Variants in SPECC1 observed in about 807,000 individuals in gnomAD.
SPECC1 encodes the protein cytospin-B.
SPECC1 carries 62 observed loss-of-function variants against 104.1 expected under a neutral mutation model. That is an observed-to-expected ratio of 0.60 (90% CI 0.49 to 0.74). SPECC1 has a LOEUF of 0.74. Ranked by LOEUF, SPECC1 falls within the 30% of genes least tolerant of loss-of-function variation. The pLI is 0.00. For missense variants in SPECC1, 1,306 were observed against 1,310.5 expected (o/e 1.00, Z 0.05); for synonymous variants, 513 against 501.6 (o/e 1.02, Z -0.30).
chr17:20,021,679 TAATAATATATATATA>T (rs1567797435), intron 1 of SPECC1, among the ~76,000 whole-genome samples: 85 of 141,936 alleles, frequency 6.0e-4, no homozygotes, highest in African/African-American at 2.1e-3. Flanking sequence ...ATATATAATA[TAATAATATATATATA>T]TATATATATT....
intron 9 of SPECC1, among the ~76,000 whole-genome samples, chr17:20,252,200 A>C (rs763955607): frequency 6.6e-6 from 1 of 152,182 alleles, no homozygotes; most frequent in Non-Finnish European, 1.5e-5. Flanking sequence ...CTACTCTATT[A>C]ACAAATTTTT....
At chr17:20,131,097 G>A (rs954607281) in intron 3 of SPECC1, among the ~76,000 whole-genome samples, 3 of 152,104 alleles carry the variant, frequency 2.0e-5, no homozygotes, top group African/African-American at 4.8e-5. Context: ...TGCTAAAGTC[G>A]CTTATTAGTT....
intron 12 of SPECC1, among the ~76,000 whole-genome samples, chr17:20,278,772 AGG>A (rs112770869): frequency 0.028 from 4,280 of 151,570 alleles, 190 homozygotes; most frequent in African/African-American, 0.097. Context: ...CTGACTTCCC[AGG>A]GTCATTTGAA....
Position 20,183,790 on chromosome 17 carries a change from G to A in SPECC1, c.284-20543G>A, listed in dbSNP as rs76743385. On this transcript the variant is annotated intron_variant, in intron 3 of 14. Transcript: ENST00000395527. ...ACCCATCCCTTTTTCCCCCAAATAT[G>A]TTCTATCTGTGGTTGGTAGAATTCT... 4.7e-3 allele frequency among the ~76,000 whole-genome samples: 708 copies of A among 152,082 alleles called. 7 individuals carry two copies. Among genetic ancestry groups the A allele is most frequent in the African/African-American group, 0.016 (663 of 41,484 alleles).
At chr17:20,273,973 A>G (rs1473043758) in intron 12 of SPECC1, among the ~76,000 whole-genome samples, 3 of 152,140 alleles carry the variant, frequency 2.0e-5, no homozygotes, top group Non-Finnish European at 4.4e-5. Flanking sequence ...TTTCATTGCC[A>G]TCAGCCTGGA....
intron 7 of SPECC1, among the ~76,000 whole-genome samples, chr17:20,241,760 C>T (rs1046593290): frequency 7.2e-5 from 11 of 152,084 alleles, no homozygotes; most frequent in African/African-American, 2.4e-4. Context: ...TTGTTTGACA[C>T]CTAAGAGACA....
chr17:20,012,936 T>C (rs1349592914), intron 1 of SPECC1, among the ~76,000 whole-genome samples: 2 of 152,234 alleles, frequency 1.3e-5, no homozygotes, highest in Admixed American at 1.3e-4. Flanking sequence ...GAGTATCTAA[T>C]ATAGTACCTC....
At chr17:20,051,139 TC>T in intron 1 of SPECC1, among the ~76,000 whole-genome samples, 9 of 130,718 alleles carry the variant, frequency 6.9e-5, no homozygotes, top group African/African-American at 3.0e-4. Flanking sequence ...TTTCTTTCTT[TC>T]CTTCTTTCCT....
chr17:20,217,443 G>A (rs1598005159), intron 4 of SPECC1, among the ~76,000 whole-genome samples: 2 of 152,266 alleles, frequency 1.3e-5, no homozygotes, highest in South Asian at 2.1e-4. Context: ...TTGGCGCAGA[G>A]CCTTTGAGGG....
chr17:20,303,535 C>T (rs940516712), intron 13 of SPECC1, among the ~76,000 whole-genome samples: 2 of 152,100 alleles, frequency 1.3e-5, no homozygotes, highest in African/African-American at 2.4e-5. Context: ...GAAAACCCGT[C>T]GCTTCAGGCT....
intron 2 of SPECC1, among the ~76,000 whole-genome samples, chr17:20,110,015 A>T (rs906703663): frequency 2.0e-5 from 3 of 151,914 alleles, no homozygotes; most frequent in African/African-American, 4.8e-5. Context: ...ATTAAAAAAA[A>T]ATATTAGCGA....
At chr17:20,049,328 C>T (rs752166712) in intron 1 of SPECC1, among the ~76,000 whole-genome samples, 5 of 152,062 alleles carry the variant, frequency 3.3e-5, no homozygotes, top group South Asian at 2.1e-4. Flanking sequence ...GAGCCAGGTG[C>T]GGTGGGGCAC....
chr17:20,215,251 A>C (rs1477017714), intron 4 of SPECC1, among the ~76,000 whole-genome samples: 1 of 152,228 alleles, frequency 6.6e-6, no homozygotes, highest in Non-Finnish European at 1.5e-5. Context: ...GAGCCTCCAC[A>C]GTGTCAGAGG....
At chr17:20,296,913 G>T (rs1567615531) in intron 12 of SPECC1, 48 bp from the exon 13 acceptor site, 2 of 1,541,414 alleles carry the variant, frequency 1.3e-6, no homozygotes. Flanking sequence ...CTGTGATACT[G>T]CACAGTTTGC....
At chr17:20,245,299 C>T (rs545134674) in intron 7 of SPECC1, among the ~76,000 whole-genome samples, 2 of 152,288 alleles carry the variant, frequency 1.3e-5, no homozygotes, top group South Asian at 2.1e-4. Flanking sequence ...GAAAGCTGCC[C>T]ACCCAGTTGG....
At chr17:20,231,153 A>G (rs2703775) in intron 5 of SPECC1, among the ~76,000 whole-genome samples, 66,041 of 151,884 alleles carry the variant, frequency 0.43, 14,918 homozygotes, top group East Asian at 0.8. Flanking sequence ...GAGGCAGGCA[A>G]CCACCTGGGA....
In SPECC1 at chr17:20,018,895, G is replaced by A. The variant is rs140197317; in HGVS notation, c.-22+9471G>A. Among the ~76,000 whole-genome samples, 11 of 152,244 alleles carry A rather than the reference G, an allele frequency of 7.2e-5. No individual in the cohort carries two copies. The East Asian group carries it at 1.9e-3, about 27-fold the overall frequency. On this transcript the variant is annotated intron_variant, in intron 1 of 14. Coordinates refer to ENST00000395527, the MANE Select transcript of SPECC1 (RefSeq NM_001243439.2). The stretch of plus-strand genomic sequence containing the variant: ...TTTTTATTGGGGGCTGGTCATGCAG[G>A]CCCCCTTTGCCCAGCACATACCACA...
chr17:20,181,409 A>G, intron 3 of SPECC1, among the ~76,000 whole-genome samples: 1 of 152,178 alleles, frequency 6.6e-6, no homozygotes, highest in East Asian at 1.9e-4. Flanking sequence ...GAAAAAGGAA[A>G]AAGTATTAGC....
intron 1 of SPECC1, among the ~76,000 whole-genome samples, chr17:20,044,032 C>G (rs989458408): frequency 3.3e-5 from 5 of 152,048 alleles, no homozygotes; most frequent in Admixed American, 1.3e-4. Context: ...GATTTAATAA[C>G]TATTTGGACT....
Sources: gnomAD v4.1 joint callset for allele counts (sites outside exome capture counted in the v4.1 genomes callset) on GRCh38, gnomAD v4.1.1 for gene constraint, MANE v1.5 for transcripts, NCBI Gene and HGNC (gene_info 2026-07-23, HGNC 2026-07-21) for gene names.